Variants in PPM1B observed in about 807,000 individuals in gnomAD.
The protein encoded by PPM1B is protein phosphatase 1B.
PPM1B carries 22 observed loss-of-function variants against 43.0 expected under a neutral mutation model. The observed-to-expected ratio is 0.51, with a 90% CI of 0.37 to 0.73. The LOEUF (loss-of-function observed/expected upper bound fraction) is 0.73. Ranked by LOEUF, PPM1B falls within the 30% of genes least tolerant of loss-of-function variation. The pLI is 0.00. For missense variants in PPM1B, 632 were observed against 584.2 expected, an observed-to-expected ratio of 1.08 and a Z score of -0.84; for synonymous variants, 217 against 197.9, an observed-to-expected ratio of 1.10 and a Z score of -0.81.
At chr2:44,170,177 A>C (rs1465707270) in intron 1 of PPM1B, among the ~76,000 whole-genome samples, 2 of 152,214 alleles carry the variant, frequency 1.3e-5, no homozygotes, top group African/African-American at 4.8e-5. Context: ...TATTCGGCAA[A>C]AAAAGTGCTT....
At chr2:44,209,548 G>C in intron 3 of PPM1B, 1 of 412,924 alleles carries the variant, frequency 2.4e-6, no homozygotes, top group South Asian at 3.0e-5. Flanking sequence ...TTGGCAGGCT[G>C]AGGCGGGCAG....
chr2:44,235,014 A>G (rs745548309), downstream of PPM1B, among the ~76,000 whole-genome samples: 50 of 152,310 alleles, frequency 3.3e-4, no homozygotes, highest in Non-Finnish European at 4.9e-4. Context: ...ACCTGGCCTC[A>G]CACAGATAGG....
In PPM1B at chr2:44,201,412, C is replaced by T. The variant is rs375533145; in HGVS notation, c.213C>T (p.Cys71=). Residue 71 remains cysteine (C), a synonymous_variant, in exon 2 of 6, where the codon TGC becomes TGT. Transcript: ENST00000282412. This position sits in a 1 kb window ranked among gnomAD's most constrained non-coding sequence, Gnocchi z 5.4. ...CTGGATCCCGAGTGGCAAATTACTG[C>T]TCAACACATTTATTAGAACACATCA... ...GHAGSRVANY[C]STHLLEHITT... 6.2e-7 allele frequency: 1 copy of T among 1,614,000 alleles called. No individual in the cohort carries two copies. The highest frequency in any genetic ancestry group is 1.3e-5 in the African/African-American group (1 of 74,896).
At chr2:44,223,523 A>G (rs1447321997) in intron 5 of PPM1B, among the ~76,000 whole-genome samples, 3 of 152,026 alleles carry the variant, frequency 2.0e-5, no homozygotes, top group Admixed American at 2.0e-4. Context: ...CTGTTTGAAA[A>G]TGCAGGCCGG....
Position 44,230,451 on chromosome 2 carries a change from A to C in PPM1B, c.1173A>C (p.Lys391Asn), listed in dbSNP as rs984686906. The C allele has an allele frequency of 3.7e-6, 6 of 1,614,084 alleles. No individual in the cohort carries two copies. The highest frequency in any genetic ancestry group is 5.1e-6 in the Non-Finnish European group (6 of 1,180,030). ...DEAEESGSQG[K>N]LVEALRQMRI... ...CAGAGGAAAGTGGATCACAGGGAAA[A>C]TTGGTGGAAGCTCTCAGGCAAATGA... The change falls in exon 6 of 6, where the codon AAA becomes AAC. Residue 391 changes from lysine to asparagine, a missense_variant. Physicochemically the swap from Lys to Asn is moderately conservative, Grantham distance 94. This residue lies in a region of PPM1B where 392 missense variants were observed against 302.7 expected (regional missense o/e 1.29). Transcript: ENST00000282412.
intron 5 of PPM1B, among the ~76,000 whole-genome samples, chr2:44,223,560 A>G (rs537234952): frequency 6.6e-6 from 1 of 152,228 alleles, no homozygotes; most frequent in South Asian, 2.1e-4. Context: ...CTGTAATGCC[A>G]GCACTTTGGG....
intron 1 of PPM1B, among the ~76,000 whole-genome samples, chr2:44,178,472 A>T (rs867290446): frequency 3.5e-3 from 247 of 71,248 alleles, no homozygotes; most frequent in African/African-American, 9.8e-3. Flanking sequence ...ATATATATAT[A>T]TATTTTTTTT....
chr2:44,178,675 TGGCCAGG>T, intron 1 of PPM1B, among the ~76,000 whole-genome samples: 1 of 152,086 alleles, frequency 6.6e-6, no homozygotes, highest in Admixed American at 6.5e-5. Flanking sequence ...TTCACCATGT[TGGCCAGG>T]GTGGTCTGAA....
At chr2:44,236,177 C>T (rs775374212), downstream of PPM1B, among the ~76,000 whole-genome samples, 8 of 151,936 alleles carry the variant, frequency 5.3e-5, no homozygotes, top group Non-Finnish European at 1.0e-4. Flanking sequence ...GGGCAGATCA[C>T]TTGAGGTCAA....
downstream of PPM1B, chr2:44,234,670 G>A (rs950137317): frequency 6.2e-6 from 6 of 975,584 alleles, no homozygotes; most frequent in African/African-American, 1.1e-4. Context: ...CTATTCTCAA[G>A]TATTTTGGTC....
At chr2:44,241,885 G>A (rs549065103) in intron 5 of PPM1B, among the ~76,000 whole-genome samples, 142 of 58,998 alleles carry the variant, frequency 2.4e-3, no homozygotes, top group African/African-American at 0.013. Context: ...TTGAGACGGA[G>A]TCTCGCACTC....
chr2:44,217,795 T>A (rs1163269848), intron 3 of PPM1B, 172 bp from the exon 4 acceptor site: 1 of 419,660 alleles, frequency 2.4e-6, no homozygotes, highest in African/African-American at 2.1e-5. Context: ...TAGCAATGTT[T>A]CAGTCAATAA....
At chr2:44,211,401 T>A (rs1339332377) in intron 3 of PPM1B, among the ~76,000 whole-genome samples, 1 of 152,168 alleles carries the variant, frequency 6.6e-6, no homozygotes, top group African/African-American at 2.4e-5. Context: ...ATGTTTCCTC[T>A]TGATAAGATT....
chr2:44,203,063 G>A (rs372545804), intron 2 of PPM1B, among the ~76,000 whole-genome samples: 2 of 152,300 alleles, frequency 1.3e-5, no homozygotes, highest in East Asian at 3.9e-4. Flanking sequence ...ACTGTGGAAG[G>A]TATGGGCATA....
chr2:44,236,121 C>A (rs557812714), downstream of PPM1B, among the ~76,000 whole-genome samples: 1 of 151,706 alleles, frequency 6.6e-6, no homozygotes, highest in Non-Finnish European at 1.5e-5. Flanking sequence ...GAAGGCCAGG[C>A]GCAGTGGCTC....
At chr2:44,181,405 C>T (rs545389722) in intron 1 of PPM1B, among the ~76,000 whole-genome samples, 2 of 152,138 alleles carry the variant, frequency 1.3e-5, no homozygotes, top group African/African-American at 4.8e-5. Context: ...TGTAAAAAAC[C>T]ACTGCATCTT....
chr2:44,224,267 A>G (rs1032773899), intron 5 of PPM1B, among the ~76,000 whole-genome samples: 1 of 152,098 alleles, frequency 6.6e-6, no homozygotes, highest in Non-Finnish European at 1.5e-5. Flanking sequence ...CATCCTGGCT[A>G]ACATGGTGAT....
At chr2:44,176,272 A>C (rs1667577694) in intron 1 of PPM1B, among the ~76,000 whole-genome samples, 1 of 152,232 alleles carries the variant, frequency 6.6e-6, no homozygotes, top group Admixed American at 6.5e-5. Flanking sequence ...TTTAAGTCTG[A>C]TTTAAATAAT....
chr2:44,179,086 C>G (rs951684347), intron 1 of PPM1B, among the ~76,000 whole-genome samples: 39 of 152,076 alleles, frequency 2.6e-4, no homozygotes, highest in Non-Finnish European at 1.5e-5. Context: ...CTGTGCTGTT[C>G]TCATGATAAT....
Sources: allele counts gnomAD v4.1 joint callset (sites outside exome capture counted in the v4.1 genomes callset), GRCh38; gene constraint gnomAD v4.1.1; regional missense constraint gnomAD v4.1.1; non-coding constraint Gnocchi (gnomAD v3.1); transcripts MANE v1.5; gene names NCBI Gene and HGNC (gene_info 2026-07-23, HGNC 2026-07-21).